Variants in NUP210 observed in about 807,000 individuals in gnomAD.
The protein encoded by NUP210 is nuclear pore membrane glycoprotein 210.
A neutral mutation model predicts 196.0 loss-of-function variants in NUP210; 151 were observed. That is an observed-to-expected ratio of 0.77 (90% CI 0.67 to 0.88). NUP210 has a LOEUF of 0.88. Among genes scored for constraint, NUP210 ranks in the 40% least tolerant of loss-of-function variants. NUP210 has a pLI of 0.00. For synonymous variants in NUP210, 1,070 were observed against 1,052.7 expected (o/e 1.02, Z -0.32); for missense variants, 2,314 against 2,493.7 (o/e 0.93, Z 1.53).
At chr3:13,406,639 A>G (rs1397209209) in intron 1 of NUP210, among the ~76,000 whole-genome samples, 1 of 152,214 alleles carries the variant, frequency 6.6e-6, no homozygotes, top group African/African-American at 2.4e-5. Flanking sequence ...TGGATTCCAC[A>G]TCAAGTTTGG....
chr3:13,332,865 C>T (rs1303057414), intron 28 of NUP210, among the ~76,000 whole-genome samples: 1 of 152,228 alleles, frequency 6.6e-6, no homozygotes, highest in East Asian at 1.9e-4. Context: ...AGAACTTTAC[C>T]TGCCAGGATG....
intron 1 of NUP210, among the ~76,000 whole-genome samples, chr3:13,417,142 A>T (rs550064010): frequency 2.9e-4 from 44 of 152,300 alleles, no homozygotes; most frequent in African/African-American, 1.0e-3. Context: ...CCCAGGTCTA[A>T]TGGCGTGGGA....
chr3:13,322,606 C>T (rs995031531), intron 34 of NUP210, among the ~76,000 whole-genome samples: 6 of 152,252 alleles, frequency 3.9e-5, no homozygotes, highest in African/African-American at 1.2e-4. Flanking sequence ...TCCAGGGGCA[C>T]GGCAGACGGG....
At chr3:13,409,723 T>A (rs1262201740) in intron 1 of NUP210, among the ~76,000 whole-genome samples, 1 of 151,952 alleles carries the variant, frequency 6.6e-6, no homozygotes, top group Non-Finnish European at 1.5e-5. Flanking sequence ...TACACGGAGT[T>A]CAAAACAAGG....
chr3:13,407,965 T>C (rs1479984374), intron 1 of NUP210, among the ~76,000 whole-genome samples: 2 of 152,092 alleles, frequency 1.3e-5, no homozygotes, highest in East Asian at 1.9e-4. Context: ...GGGATCTTAG[T>C]AATGGCTAAG....
In NUP210 at chr3:13,391,220, T is replaced by C. The variant is rs375248021; in HGVS notation, c.524A>G (p.Asn175Ser). 62 of 1,611,494 alleles carry C rather than the reference T, an allele frequency of 3.8e-5. No individual in the cohort carries two copies. The highest frequency in any genetic ancestry group is 2.7e-4 in the East Asian group (12 of 44,754). Residue 175 changes from asparagine (N) to serine (S), a missense_variant, in exon 4 of 40, where the codon AAT (asparagine) becomes AGT (serine). By Grantham distance (46) the Asn-to-Ser change is conservative. Coordinates refer to ENST00000254508, the MANE Select transcript of NUP210 (RefSeq NM_024923.4). ...SEADRFSDSH[N>S]ALRILTFLES... ...CAGAGGCACCCCTTACCGCAGCGCA[T>C]TGTGGGAGTCTGAGAACCTGTCCGC...
Position 13,379,092 on chromosome 3 carries a change from G to A in NUP210, c.977-112C>T. 2 of 942,784 alleles carry A rather than the reference G, an allele frequency of 2.1e-6. No homozygotes were observed. The highest frequency in any genetic ancestry group is 3.5e-6 in the Non-Finnish European group (2 of 579,350). 58.4% of individuals were successfully genotyped at this position (942,784 alleles called of 1,614,324 possible). ...TCAAGACATCACATGGAGAGAAGAA[G>A]AGGGGATGAAAACTCCCCTGGCTTA... is the stretch of plus-strand genomic sequence containing the variant. On this transcript the variant is annotated intron_variant, in intron 7 of 39. Transcript: ENST00000254508. This position sits in a 1 kb window ranked among gnomAD's most constrained non-coding sequence, Gnocchi z 4.2.
At chr3:13,353,461 T>A (rs1280385627) in intron 18 of NUP210, 93 bp downstream of exon 18, 4 of 1,058,532 alleles carry the variant, frequency 3.8e-6, no homozygotes, top group Non-Finnish European at 5.8e-6. Flanking sequence ...AGACAGTGAC[T>A]CAGGACACTG....
intron 31 of NUP210, among the ~76,000 whole-genome samples, chr3:13,328,159 C>T (rs1696852602): frequency 6.6e-6 from 1 of 152,230 alleles, no homozygotes; most frequent in Non-Finnish European, 1.5e-5. Flanking sequence ...CCATTTCCTC[C>T]AGGACATGCC....
At position 13,379,363 on chromosome 3, in the gene NUP210, C is replaced by A. The variant is rs546686636; in HGVS notation, c.976+200G>T. Among the ~76,000 whole-genome samples, 1 of 152,128 alleles carries A rather than the reference C, an allele frequency of 6.6e-6. No individual in the cohort carries two copies. The highest frequency in any genetic ancestry group is 1.5e-5 in the Non-Finnish European group (1 of 68,020). On this transcript the variant is annotated intron_variant, in intron 7 of 39. Transcript: ENST00000254508. The surrounding 1 kb of genome is among the most constrained non-coding windows in gnomAD (Gnocchi z 4.2). ...CTCAGCTCCTGCCATCACCTCCCACCGCTGGGAGCCTCTGGGGTGAGTCAC... is the reference window on the plus strand; with the variant it reads ...CTCAGCTCCTGCCATCACCTCCCACAGCTGGGAGCCTCTGGGGTGAGTCAC...
At chr3:13,345,010 G>A in intron 20 of NUP210, 2 of 985,442 alleles carry the variant, frequency 2.0e-6, no homozygotes, top group Non-Finnish European at 2.4e-6. Context: ...GGGACCCACA[G>A]TGCACTTGGC....
chr3:13,403,278 A>G (rs886458221), intron 1 of NUP210, among the ~76,000 whole-genome samples: 1 of 152,192 alleles, frequency 6.6e-6, no homozygotes, highest in Admixed American at 6.5e-5. Flanking sequence ...CTGGCAGTCC[A>G]AGATCAGCTG....
At position 13,354,007 on chromosome 3, in the gene NUP210, T is replaced by G. The variant is rs1189056105; in HGVS notation, c.2429A>C (p.Glu810Ala). 3 of 1,609,394 alleles carry G rather than the reference T, an allele frequency of 1.9e-6. No homozygotes were observed. Among genetic ancestry groups the G allele is most frequent in the Non-Finnish European group, 2.5e-6 (3 of 1,177,972 alleles). Residue 810 changes from glutamate to alanine, a missense_variant, in exon 17 of 40, where the codon GAG becomes GCG. By Grantham distance (107) the Glu-to-Ala change is moderately radical. Coordinates refer to ENST00000254508, the MANE Select transcript of NUP210 (RefSeq NM_024923.4). ...DNFSSLSIQWESTRPVLASIE... is the reference protein window; with the variant it reads ...DNFSSLSIQWASTRPVLASIE... Reference sequence around the variant, plus strand: ...GCTGGCCAACACTGGCCTGGTGGACTCCCACTGGATGCTCAGAGAGCTGAA... The same window carrying G: ...GCTGGCCAACACTGGCCTGGTGGACGCCCACTGGATGCTCAGAGAGCTGAA...
In NUP210 at chr3:13,352,101, G is replaced by A. The variant is rs781408204; in HGVS notation, c.2712C>T (p.Ile904=). The A allele has an allele frequency of 7.4e-6, 12 of 1,613,922 alleles. No homozygotes were observed. The highest frequency in any genetic ancestry group is 5.0e-5 in the Admixed American group (3 of 59,998). ...DVRVSPEEVT[I]YNHPGIQAEL... is the part of the protein sequence containing the mutation. ...GTACCTGGATGCCAGGGTGGTTGTA[G>A]ATGGTCACCTCTTCTGGGCTCACCC... The change falls in exon 19 of 40, where the codon ATC becomes ATT. Residue 904 remains isoleucine (I), a synonymous_variant. Coordinates refer to ENST00000254508, the MANE Select transcript of NUP210 (RefSeq NM_024923.4).
chr3:13,341,722 C>T, intron 23 of NUP210, 26 bp downstream of exon 23: 1 of 1,613,662 alleles, frequency 6.2e-7, no homozygotes, highest in Non-Finnish European at 8.5e-7. Context: ...GCTGATCCCA[C>T]ATGGTGTGGG....
chr3:13,395,678 T>A lies in NUP210; in HGVS notation c.436+1679A>T, dbSNP rs373203210. 2.0e-5 allele frequency among the ~76,000 whole-genome samples: 3 copies of A among 152,184 alleles called. No individual in the cohort carries two copies. The South Asian group carries it at 6.2e-4, about 32-fold the overall frequency. On this transcript the variant is annotated intron_variant, in intron 3 of 39. Coordinates refer to ENST00000254508, the MANE Select transcript of NUP210 (RefSeq NM_024923.4). Reference sequence around the variant, plus strand: ...ATTGCAGGGGTCGACCGTGTTTTGTTTTTCCACTCATCCGTTGATGGACTC... The same window carrying A: ...ATTGCAGGGGTCGACCGTGTTTTGTATTTCCACTCATCCGTTGATGGACTC...
intron 27 of NUP210, 63 bp from the exon 28 acceptor site, chr3:13,335,675 A>G: frequency 6.4e-7 from 1 of 1,563,870 alleles, no homozygotes. Context: ...TCAAAAAGGC[A>G]GAGCCGGACA....
At chr3:13,383,896 G>A (rs555334454) in intron 6 of NUP210, among the ~76,000 whole-genome samples, 3 of 152,128 alleles carry the variant, frequency 2.0e-5, no homozygotes, top group African/African-American at 7.2e-5. Context: ...AGCTGGGGCA[G>A]TTTCATGCCC....
chr3:13,366,516 C>CT (rs58529748), intron 13 of NUP210, among the ~76,000 whole-genome samples: 7,122 of 110,778 alleles, frequency 0.064, 316 homozygotes, highest in Non-Finnish European at 0.089. Context: ...TGATTTCTTT[C>CT]TTTTTTTTTT....
Sources: gnomAD v4.1 joint callset for allele counts (sites outside exome capture counted in the v4.1 genomes callset) on GRCh38, gnomAD v4.1.1 for gene constraint, Gnocchi (gnomAD v3.1) non-coding constraint, MANE v1.5 for transcripts, NCBI Gene and HGNC (gene_info 2026-07-23, HGNC 2026-07-21) for gene names.